NPAT: variants seen among roughly 807,000 people sequenced by gnomAD.
The protein encoded by NPAT is nuclear protein, coactivator of histone transcription.
NPAT carries 52 observed loss-of-function variants against 130.7 expected under a neutral mutation model. That is an observed-to-expected ratio of 0.40 (90% CI 0.32 to 0.50). The LOEUF (loss-of-function observed/expected upper bound fraction) is 0.50, where lower values mean the gene tolerates loss of function less well. Among genes scored for constraint, NPAT ranks in the 20% least tolerant of loss-of-function variants. The probability of loss-of-function intolerance (pLI) is 0.68; values close to 1 mark genes in which losing one functional copy is unlikely to be tolerated. For synonymous variants in NPAT, 580 were observed against 584.8 expected, an observed-to-expected ratio of 0.99 and a Z score of 0.12; for missense variants, 1,687 against 1,662.6, an observed-to-expected ratio of 1.01 and a Z score of -0.26.
At chr11:108,171,490 T>G (rs1246168766) in intron 13 of NPAT, 3 of 151,514 alleles carry the variant, frequency 2.0e-5, no homozygotes, top group African/African-American at 2.4e-5. Context: ...ATTCAAGTTT[T>G]TTTTTTTTTT....
intron 11 of NPAT, among the ~76,000 whole-genome samples, chr11:108,176,575 A>C (rs1014150298): frequency 6.6e-6 from 1 of 152,216 alleles, no homozygotes; most frequent in Non-Finnish European, 1.5e-5. Context: ...TAGCCCAGTA[A>C]TTTGCATTTT....
chr11:108,187,841 T>C lies in NPAT; in HGVS notation c.638+257A>G, dbSNP rs1203789015. 2.0e-5 allele frequency among the ~76,000 whole-genome samples: 3 copies of C among 152,298 alleles called. No individual in the cohort carries two copies. The South Asian group carries it at 6.2e-4, about 32-fold the overall frequency. On this transcript the variant is annotated intron_variant, in intron 7 of 17. Coordinates refer to ENST00000278612, the MANE Select transcript of NPAT (RefSeq NM_002519.3). ...ATCTCAGATAACATCATTTGTAAGA[T>C]ATACCATTATTTTATATACCATTAC...
rs117760281 is a variant in NPAT, at chr11:108,208,126, C to T, written c.38-10706G>A. On this transcript the variant is annotated intron_variant, in intron 1 of 17. Transcript: ENST00000278612. Reference sequence around the variant, plus strand: ...TGCATTATACTTACTGGTTGAGCATCGCTAATCTGAAAATCTGAAATGCTC... The same window carrying T: ...TGCATTATACTTACTGGTTGAGCATTGCTAATCTGAAAATCTGAAATGCTC... Among the ~76,000 whole-genome samples, 816 of 152,260 alleles carry T rather than the reference C, an allele frequency of 5.4e-3. 7 individuals are homozygous for T. The highest frequency in any genetic ancestry group is 8.5e-3 in the Non-Finnish European group (581 of 68,020).
At position 108,176,384 on chromosome 11, in the gene NPAT, A is replaced by C; in HGVS notation, c.1004-10T>G. 6.6e-7 allele frequency: 1 copy of C among 1,512,152 alleles called. No homozygotes were observed. Among genetic ancestry groups the C allele is most frequent in the Non-Finnish European group, 9.2e-7 (1 of 1,089,076 alleles). 93.7% of individuals were successfully genotyped at this position (1,512,152 alleles called of 1,614,324 possible). On this transcript the variant is annotated splice_polypyrimidine_tract_variant and intron_variant, in intron 11 of 17. Coordinates refer to ENST00000278612, the MANE Select transcript of NPAT (RefSeq NM_002519.3). Reference sequence around the variant, plus strand: ...TTATTCTTTGTTTTGCCTGTTAAAAAGGGAATATGGAAATAATTAAATGAC... The same window carrying C: ...TTATTCTTTGTTTTGCCTGTTAAAACGGGAATATGGAAATAATTAAATGAC...
At position 108,172,977 on chromosome 11, in the gene NPAT, C is replaced by T. The variant is rs1233000528; in HGVS notation, c.2007G>A (p.Glu669=). The change falls in exon 13 of 18, where the codon GAG becomes GAA. Residue 669 remains glutamate, a synonymous_variant. Coordinates refer to ENST00000278612, the MANE Select transcript of NPAT (RefSeq NM_002519.3). ...CACCTAAAGAGAGAAAAATAGTATT[C>T]TCTTCTTTTACAGAAGATGAAGGCT... is the stretch of plus-strand genomic sequence containing the variant. ...SQEPSSSVKE[E]NTIFLSLGGN... 1.2e-6 allele frequency: 2 copies of T among 1,614,074 alleles called. No individual in the cohort carries two copies. The highest frequency in any genetic ancestry group is 1.7e-5 in the Admixed American group (1 of 60,012).
chr11:108,176,925 C>T, intron 11 of NPAT, 69 bp downstream of exon 11: 1 of 981,266 alleles, frequency 1.0e-6, no homozygotes, highest in Non-Finnish European at 1.6e-6. Context: ...TGTTGATTCA[C>T]TCTGGTTAAG....
In NPAT at chr11:108,188,126, T is replaced by G. The variant is rs1317334047; in HGVS notation, c.610A>C (p.Ser204Arg). Residue 204 changes from serine (S) to arginine (R), a missense_variant, in exon 7 of 18, where the codon AGT becomes CGT. By Grantham distance (110) the Ser-to-Arg change is moderately radical. Coordinates refer to ENST00000278612, the MANE Select transcript of NPAT (RefSeq NM_002519.3). ...TTGCGTCTACCGGGAGACATTAAACTGGCATGTGCTTTCTTTTCCTGAGCA... is the reference window on the plus strand; with the variant it reads ...TTGCGTCTACCGGGAGACATTAAACGGGCATGTGCTTTCTTTTCCTGAGCA... ...PGAQEKKAHASLMSPGRRKSE... is the reference protein window; with the variant it reads ...PGAQEKKAHARLMSPGRRKSE... 10 of 1,613,670 alleles carry G rather than the reference T, an allele frequency of 6.2e-6. No individual in the cohort carries two copies. Among genetic ancestry groups the G allele is most frequent in the Non-Finnish European group, 8.5e-6 (10 of 1,179,778 alleles).
chr11:108,221,247 G>C lies in NPAT; in HGVS notation c.37+1253C>G, dbSNP rs181059681. 7.4e-4 allele frequency among the ~76,000 whole-genome samples: 113 copies of C among 152,224 alleles called. 1 individual carries two copies. The highest frequency in any genetic ancestry group is 7.3e-3 in the Admixed American group (112 of 15,284). ...CTAGTGAATAGAAGCCAGGAATGCT[G>C]CTAAACATCCTACAATGTTTGAGCA... On this transcript the variant is annotated intron_variant, in intron 1 of 17. Coordinates refer to ENST00000278612, the MANE Select transcript of NPAT (RefSeq NM_002519.3).
At chr11:108,194,919 GT>G (rs1174093761) in intron 2 of NPAT, among the ~76,000 whole-genome samples, 1 of 152,038 alleles carries the variant, frequency 6.6e-6, no homozygotes, top group African/African-American at 2.4e-5. Flanking sequence ...TGTCTCCTGG[GT>G]TCAAGCGATT....
intron 1 of NPAT, among the ~76,000 whole-genome samples, chr11:108,221,204 C>A (rs1244350738): frequency 1.3e-5 from 2 of 152,082 alleles, no homozygotes; most frequent in African/African-American, 4.8e-5. Context: ...GGGTGGGGAA[C>A]GGGTGTCCTA....
intron 10 of NPAT, among the ~76,000 whole-genome samples, chr11:108,178,770 A>C (rs151293251): frequency 1.3e-5 from 2 of 152,306 alleles, no homozygotes; most frequent in South Asian, 4.2e-4. Flanking sequence ...AGGCAGGGGA[A>C]TCACTTAAAC....
intron 3 of NPAT, among the ~76,000 whole-genome samples, chr11:108,193,663 T>G (rs2078192364): frequency 1.3e-5 from 2 of 152,116 alleles, no homozygotes; most frequent in South Asian, 4.1e-4. Context: ...AGCTGGAGGT[T>G]GCAGTGAGCT....
chr11:108,180,578 T>G (rs1333351077), intron 10 of NPAT, among the ~76,000 whole-genome samples: 1 of 150,714 alleles, frequency 6.6e-6, no homozygotes, highest in Admixed American at 6.6e-5. Flanking sequence ...TGTAGATAAG[T>G]GAGAATTCTT....
intron 1 of NPAT, among the ~76,000 whole-genome samples, chr11:108,216,975 T>C (rs1289998315): frequency 3.9e-5 from 6 of 152,162 alleles, no homozygotes; most frequent in African/African-American, 1.4e-4. Flanking sequence ...TCGAATACCA[T>C]CATTTTGTTC....
In NPAT at chr11:108,176,187, G is replaced by A. The variant is rs1028172090; in HGVS notation, c.1132+59C>T. The A allele has an allele frequency of 9.4e-5, 120 of 1,278,658 alleles. 1 individual carries two copies. Among genetic ancestry groups the A allele is most frequent in the Non-Finnish European group, 1.3e-4 (116 of 883,830 alleles). The allele number at this position is 1,278,658 out of a possible 1,614,324, so 79.2% of individuals were successfully genotyped here. A position where few individuals can be genotyped will look rare whatever the true frequency, so the allele number is the denominator to read the frequency against. ...TTCCAAATTAATATTTTCTGCCTTT[G>A]AATTTTGAGACTAATATTAAGATTT... On this transcript the variant is annotated intron_variant, in intron 12 of 17. Coordinates refer to ENST00000278612, the MANE Select transcript of NPAT (RefSeq NM_002519.3).
chr11:108,178,029 A>T (rs1441193033), intron 10 of NPAT, among the ~76,000 whole-genome samples: 1 of 152,106 alleles, frequency 6.6e-6, no homozygotes, highest in Non-Finnish European at 1.5e-5. Context: ...CCCATACTAT[A>T]AAGTTCTATA....
At chr11:108,198,152 A>G (rs977533552) in intron 1 of NPAT, among the ~76,000 whole-genome samples, 15 of 152,208 alleles carry the variant, frequency 9.9e-5, no homozygotes, top group African/African-American at 3.6e-4. Context: ...ACTGCATAAA[A>G]TTAGTTCAGC....
Position 108,161,818 on chromosome 11 carries a change from T to C in NPAT, c.3268A>G (p.Arg1090Gly). 6.2e-7 allele frequency: 1 copy of C among 1,614,128 alleles called. No individual in the cohort carries two copies. Among genetic ancestry groups the C allele is most frequent in the Admixed American group, 1.7e-5 (1 of 60,020 alleles). Reference sequence around the variant, plus strand: ...AGATTAGGAAAAGAGACTGCATTCCTTTCTTTGTTTTGGGACACCATCTTA... The same window carrying C: ...AGATTAGGAAAAGAGACTGCATTCCCTTCTTTGTTTTGGGACACCATCTTA... ...NHKMVSQNKERNAVSFPNLDS... is the reference protein window; with the variant it reads ...NHKMVSQNKEGNAVSFPNLDS... Residue 1090 changes from arginine to glycine, a missense_variant, in exon 17 of 18, where the codon AGG becomes GGG. Transcript: ENST00000278612.
chr11:108,201,468 G>C (rs1409082993), intron 1 of NPAT, among the ~76,000 whole-genome samples: 1 of 152,154 alleles, frequency 6.6e-6, no homozygotes, highest in East Asian at 1.9e-4. Flanking sequence ...TCTTCCCATA[G>C]GGAAGACATT....
Sources: allele counts gnomAD v4.1 joint callset (sites outside exome capture counted in the v4.1 genomes callset), GRCh38; gene constraint gnomAD v4.1.1; transcripts MANE v1.5; gene names NCBI Gene and HGNC (gene_info 2026-07-23, HGNC 2026-07-21).